COL25A1: variants seen among roughly 807,000 people sequenced by gnomAD.
COL25A1 encodes collagen type XXV alpha 1 chain.
Under a neutral mutation model 128.4 loss-of-function variants are expected in COL25A1, and 103 were observed. That is an observed-to-expected ratio of 0.80 (90% CI 0.68 to 0.94). The LOEUF is 0.94. Ranked by LOEUF, COL25A1 falls within the 40% of genes least tolerant of loss-of-function variation. The pLI, the probability that COL25A1 is intolerant of heterozygous loss-of-function variation, is 0.00. For missense variants in COL25A1, 745 were observed against 840.0 expected, an observed-to-expected ratio of 0.89 and a Z score of 1.40; for synonymous variants, 279 against 277.2, an observed-to-expected ratio of 1.01 and a Z score of -0.06.
chr4:108,994,564 T>C (rs1754558680), intron 6 of COL25A1, among the ~76,000 whole-genome samples: 2 of 152,206 alleles, frequency 1.3e-5, no homozygotes, highest in African/African-American at 4.8e-5. Flanking sequence ...AGCAGACAGC[T>C]TCTACAGACT....
chr4:109,158,834 A>C (rs368446446), intron 3 of COL25A1, among the ~76,000 whole-genome samples: 12 of 152,208 alleles, frequency 7.9e-5, no homozygotes, highest in African/African-American at 2.4e-4. Context: ...TGTGTTGAAC[A>C]CTTTCCTTGT....
intron 3 of COL25A1, among the ~76,000 whole-genome samples, chr4:109,293,568 C>T (rs1209949831): frequency 6.6e-6 from 1 of 152,070 alleles, no homozygotes; most frequent in Non-Finnish European, 1.5e-5. Flanking sequence ...GCTGACCACA[C>T]TTCAAATACA....
In COL25A1 at chr4:109,292,545, C is replaced by G. The variant is rs192177771; in HGVS notation, c.367+8038G>C. Among the ~76,000 whole-genome samples the G allele has an allele frequency of 3.0e-4, 45 of 152,132 alleles. No individual in the cohort carries two copies. The East Asian group carries it at 5.2e-3, about 18-fold the overall frequency. On this transcript the variant is annotated intron_variant, in intron 3 of 37. Coordinates refer to ENST00000399132, the MANE Select transcript of COL25A1 (RefSeq NM_198721.4). The stretch of plus-strand genomic sequence containing the variant: ...AGCCCTAGAGATACATAGATACAAA[C>G]CAGAGCCCCTGCCAAGGAGTTCACA...
chr4:109,110,448 C>T (rs994407583), intron 3 of COL25A1, among the ~76,000 whole-genome samples: 1 of 152,152 alleles, frequency 6.6e-6, no homozygotes, highest in Non-Finnish European at 1.5e-5. Context: ...TTACCTTCTT[C>T]TCTGTTAGCT....
At chr4:108,968,469 T>C (rs1347633543) in intron 8 of COL25A1, among the ~76,000 whole-genome samples, 2 of 147,948 alleles carry the variant, frequency 1.4e-5, no homozygotes, top group African/African-American at 2.4e-5. Flanking sequence ...CAGAATATTA[T>C]ATTGGCCACT....
chr4:109,168,867 C>A (rs373119391), intron 3 of COL25A1, among the ~76,000 whole-genome samples: 1 of 152,138 alleles, frequency 6.6e-6, no homozygotes, highest in South Asian at 2.1e-4. Flanking sequence ...GATGTGAATT[C>A]ATTGGAACAT....
At chr4:109,169,704 T>C (rs982597) in intron 3 of COL25A1, among the ~76,000 whole-genome samples, 100,332 of 152,064 alleles carry the variant, frequency 0.66, 33,396 homozygotes, top group East Asian at 0.75. Flanking sequence ...GTTAATTGTA[T>C]CTTTTCTTCA....
At chr4:109,264,381 T>G (rs772163060) in intron 3 of COL25A1, among the ~76,000 whole-genome samples, 1 of 152,158 alleles carries the variant, frequency 6.6e-6, no homozygotes, top group Non-Finnish European at 1.5e-5. Context: ...GTGGAGAACA[T>G]ACTGGAGAAG....
At position 109,118,021 on chromosome 4, in the gene COL25A1, T is replaced by C. The variant is rs554560716; in HGVS notation, c.368-67842A>G. On this transcript the variant is annotated intron_variant, in intron 3 of 37. Transcript: ENST00000399132. ...GCAGAAAAAAATGTAGAATATAAAA[T>C]AGAAACAAAAGAACAAGGACAACAA... Among the ~76,000 whole-genome samples the C allele has an allele frequency of 4.0e-5, 6 of 151,680 alleles. No individual in the cohort carries two copies. The East Asian group carries it at 1.2e-3, about 29-fold the overall frequency.
rs541343583 is a variant in COL25A1 at position 108,863,023 on chromosome 4, T to C, written c.1152+296A>G. On this transcript the variant is annotated intron_variant, in intron 21 of 37. Transcript: ENST00000399132. ...ACCATAGAAACTAACACAGCACTTA[T>C]CAACAGGGATTTTTTTTCAGTAAGT... Among the ~76,000 whole-genome samples, 3 of 152,354 alleles carry C rather than the reference T, an allele frequency of 2.0e-5. No individual in the cohort carries two copies. The South Asian group carries it at 6.2e-4, about 32-fold the overall frequency.
intron 3 of COL25A1, among the ~76,000 whole-genome samples, chr4:109,057,421 A>ATTTCTT (rs1761547549): frequency 4.9e-5 from 1 of 20,238 alleles, no homozygotes; most frequent in African/African-American, 1.7e-4. Context: ...TGCCTAGCTA[A>ATTTCTT]TTTTTTTTTT....
At chr4:109,135,197 G>GA (rs1769611483) in intron 3 of COL25A1, among the ~76,000 whole-genome samples, 1 of 152,126 alleles carries the variant, frequency 6.6e-6, no homozygotes, top group South Asian at 2.1e-4. Context: ...AGCTTTGCCA[G>GA]ATGTTCCATG....
chr4:109,066,582 G>A (rs1482797061), intron 3 of COL25A1, among the ~76,000 whole-genome samples: 1 of 152,172 alleles, frequency 6.6e-6, no homozygotes, highest in Non-Finnish European at 1.5e-5. Flanking sequence ...GAACTCTAGT[G>A]CCTAGGAGAA....
chr4:109,081,504 A>G (rs6832580), intron 3 of COL25A1, among the ~76,000 whole-genome samples: 35,071 of 151,998 alleles, frequency 0.23, 5,212 homozygotes, highest in African/African-American at 0.4. Flanking sequence ...TGTAATTCAC[A>G]TACCATACAG....
intron 3 of COL25A1, among the ~76,000 whole-genome samples, chr4:109,196,272 G>C (rs1776034232): frequency 6.6e-6 from 1 of 152,070 alleles, no homozygotes; most frequent in African/African-American, 2.4e-5. Flanking sequence ...TTACAGATTT[G>C]TGCACAGTTT....
At chr4:109,089,517 T>G (rs544740675) in intron 3 of COL25A1, among the ~76,000 whole-genome samples, 72 of 152,340 alleles carry the variant, frequency 4.7e-4, no homozygotes, top group Non-Finnish European at 7.3e-4. Context: ...TCATTTCAGT[T>G]CCTGTTTGAA....
intron 6 of COL25A1, among the ~76,000 whole-genome samples, chr4:108,982,520 G>C (rs920197549): frequency 6.6e-6 from 1 of 152,152 alleles, no homozygotes. Context: ...ATAAAACTCT[G>C]TGTTCAAAAC....
chr4:109,093,452 T>A (rs1376639610), intron 3 of COL25A1, among the ~76,000 whole-genome samples: 6 of 92,750 alleles, frequency 6.5e-5, no homozygotes, highest in Non-Finnish European at 1.2e-4. Context: ...AGACTCCATC[T>A]CTATGAAAAA....
intron 3 of COL25A1, among the ~76,000 whole-genome samples, chr4:109,266,353 G>A (rs1718301653): frequency 6.6e-6 from 1 of 152,154 alleles, no homozygotes; most frequent in African/African-American, 2.4e-5. Context: ...TTATTCTCTG[G>A]AAACGATGAG....
Sources: allele counts gnomAD v4.1 joint callset (sites outside exome capture counted in the v4.1 genomes callset), GRCh38; gene constraint gnomAD v4.1.1; transcripts MANE v1.5; gene names NCBI Gene and HGNC (gene_info 2026-07-23, HGNC 2026-07-21).